NLRC4: variants seen among roughly 807,000 people sequenced by gnomAD.
The protein encoded by NLRC4 is NLR family CARD domain-containing protein 4.
NLRC4 carries 63 observed loss-of-function variants against 79.9 expected under a neutral mutation model. That is an observed-to-expected ratio of 0.79 (90% CI 0.64 to 0.97). The LOEUF (loss-of-function observed/expected upper bound fraction) is 0.97, where lower values mean the gene tolerates loss of function less well. Among genes scored for constraint, NLRC4 ranks in the 50% least tolerant of loss-of-function variants. The probability of loss-of-function intolerance (pLI) is 0.00; values close to 1 mark genes in which losing one functional copy is unlikely to be tolerated. For synonymous variants in NLRC4, 461 were observed against 456.5 expected, an observed-to-expected ratio of 1.01 and a Z score of -0.12; for missense variants, 1,074 against 1,215.2, an observed-to-expected ratio of 0.88 and a Z score of 1.73.
chr2:32,232,906 C>T (rs1185020604), intron 8 of NLRC4, among the ~76,000 whole-genome samples: 1 of 151,916 alleles, frequency 6.6e-6, no homozygotes, highest in Admixed American at 6.6e-5. Context: ...CTAGTCATTG[C>T]ATGCTCATAG....
At chr2:32,234,697 C>T (rs541633446) in intron 8 of NLRC4, among the ~76,000 whole-genome samples, 3 of 152,218 alleles carry the variant, frequency 2.0e-5, no homozygotes, top group Admixed American at 6.5e-5. Context: ...GTGAGGCCTC[C>T]AGCCAACAGC....
chr2:32,240,342 A>G (rs1310271351), intron 5 of NLRC4, among the ~76,000 whole-genome samples: 1 of 151,788 alleles, frequency 6.6e-6, no homozygotes, highest in Non-Finnish European at 1.5e-5. Context: ...ATAAGAAAGA[A>G]CAAGATGAAG....
At position 32,249,633 on chromosome 2, in the gene NLRC4, T is replaced by C; in HGVS notation, c.2231A>G (p.His744Arg). 1 of 1,607,164 alleles carries C rather than the reference T, an allele frequency of 6.2e-7. No homozygotes were observed. The highest frequency in any genetic ancestry group is 8.5e-7 in the Non-Finnish European group (1 of 1,176,994). The change falls in exon 4 of 9, where the codon CAT becomes CGT. Residue 744 changes from histidine to arginine, a missense_variant. By Grantham distance (29) the His-to-Arg change is conservative (BLOSUM62 0). Coordinates refer to ENST00000402280, the MANE Select transcript of NLRC4 (RefSeq NM_001199138.2). ...SVTNLKTLSI[H>R]DLQNQRLPGG... ...CGGCAGCCGTTGATTCTGTAGGTCATGAATACTCAAGGTTTTCAGGTTTGT... is the reference window on the plus strand; with the variant it reads ...CGGCAGCCGTTGATTCTGTAGGTCACGAATACTCAAGGTTTTCAGGTTTGT...
At chr2:32,234,976 T>C (rs1686637635) in intron 8 of NLRC4, among the ~76,000 whole-genome samples, 1 of 152,238 alleles carries the variant, frequency 6.6e-6, no homozygotes, top group African/African-American at 2.4e-5. Flanking sequence ...TATAGATCTA[T>C]TTGTTTCTGG....
intron 8 of NLRC4, among the ~76,000 whole-genome samples, chr2:32,233,335 ATATATATATATATAT>A (rs1686592943): frequency 9.6e-5 from 4 of 41,632 alleles, no homozygotes; most frequent in South Asian, 5.8e-4. Context: ...ATATATATAT[ATATATATATATATAT>A]TTTTTTTTTT....
At position 32,237,358 on chromosome 2, in the gene NLRC4, C is replaced by T. The variant is rs114982866; in HGVS notation, c.2521+774G>A. On this transcript the variant is annotated intron_variant, in intron 6 of 8. Coordinates refer to ENST00000402280, the MANE Select transcript of NLRC4 (RefSeq NM_001199138.2). The stretch of plus-strand genomic sequence containing the variant: ...TGCTGAACTTCTCTTTAAAAGAGTA[C>T]GTTTGCTATTTGCAGTTCTAAGCCT... 6.6e-3 allele frequency among the ~76,000 whole-genome samples: 999 copies of T among 152,240 alleles called. 14 individuals carry two copies. Among genetic ancestry groups the T allele is most frequent in the African/African-American group, 0.023 (964 of 41,546 alleles).
In NLRC4 at chr2:32,250,830, CAA is replaced by C; in HGVS notation, c.1032_1033del (p.Ala346AsnfsTer5). On this transcript the variant is annotated frameshift_variant, in exon 4 of 9. Transcript: ENST00000402280. LOFTEE classifies it high-confidence loss of function. The surrounding 1 kb of genome is among the most constrained non-coding windows in gnomAD (Gnocchi z 4.9). ...CTCACTTTCACCCATCTGGATTGCA[CAA>C]GTGATGACCACAAAGAGAGGGGTCT... 6.2e-7 allele frequency: 1 copy of C among 1,614,176 alleles called. No individual in the cohort carries two copies. The highest frequency in any genetic ancestry group is 1.1e-5 in the South Asian group (1 of 91,080).
rs1686318189 is a variant in NLRC4 at position 32,224,539 on chromosome 2, A to C, written c.3009T>G (p.Val1003=). ...GATCATCATCATCAAATTGCCACCC[A>C]ACAAGCCTAGCTTCTTGCAGAAAAG... ...KLTFLQEARL[V]GWQFDDDDLS... The change falls in exon 9 of 9, where the codon GTT becomes GTG. Residue 1003 remains valine, a synonymous_variant. Transcript: ENST00000402280. 6.2e-7 allele frequency: 1 copy of C among 1,613,834 alleles called. No homozygotes were observed. Among genetic ancestry groups the C allele is most frequent in the African/African-American group, 1.3e-5 (1 of 75,020 alleles).
At chr2:32,242,455 A>G (rs1174109875) in intron 4 of NLRC4, among the ~76,000 whole-genome samples, 1 of 152,198 alleles carries the variant, frequency 6.6e-6, no homozygotes, top group East Asian at 1.9e-4. Context: ...ACCAACACTC[A>G]TGTGATACGG....
intron 1 of NLRC4, among the ~76,000 whole-genome samples, chr2:32,259,398 G>A (rs2566483): frequency 0.58 from 86,325 of 149,828 alleles, 25,102 homozygotes; most frequent in Non-Finnish European, 0.6. Context: ...ATGAGCCACC[G>A]CGTCTGGCCA....
chr2:32,260,315 A>G (rs1687315192), intron 1 of NLRC4, among the ~76,000 whole-genome samples: 1 of 151,994 alleles, frequency 6.6e-6, no homozygotes, highest in Non-Finnish European at 1.5e-5. Context: ...GGCTATCATA[A>G]ATACAGAACA....
chr2:32,237,597 A>G (rs892764643), intron 6 of NLRC4, among the ~76,000 whole-genome samples: 10 of 152,372 alleles, frequency 6.6e-5, no homozygotes, highest in African/African-American at 2.4e-4. Context: ...TCTAAATTTT[A>G]AAATATGTCT....
At chr2:32,260,816 G>C (rs559477138) in intron 1 of NLRC4, among the ~76,000 whole-genome samples, 1 of 152,146 alleles carries the variant, frequency 6.6e-6, no homozygotes, top group South Asian at 2.1e-4. Context: ...TTCTTCGTGC[G>C]CTATGCAAAC....
At chr2:32,259,103 ACT>A (rs1338023548) in intron 1 of NLRC4, among the ~76,000 whole-genome samples, 2 of 149,196 alleles carry the variant, frequency 1.3e-5, no homozygotes, top group Non-Finnish European at 3.0e-5. Context: ...TAACATTAAA[ACT>A]CTTTTTTTGA....
intron 1 of NLRC4, among the ~76,000 whole-genome samples, chr2:32,257,096 C>T (rs980844337): frequency 6.6e-6 from 1 of 152,244 alleles, no homozygotes; most frequent in Non-Finnish European, 1.5e-5. Context: ...AAACTATGTT[C>T]AGCTGGAACT....
At chr2:32,229,489 A>G (rs1006914956) in intron 8 of NLRC4, among the ~76,000 whole-genome samples, 9 of 152,160 alleles carry the variant, frequency 5.9e-5, no homozygotes, top group African/African-American at 2.2e-4. Context: ...AAACAAAAAA[A>G]CAGGTGAAAT....
chr2:32,261,316 C>CTTTTTTTT lies in NLRC4; in HGVS notation c.-119+3421_-119+3422insAAAAAAAA, dbSNP rs751434892. 1.5e-3 allele frequency among the ~76,000 whole-genome samples: 142 copies of CTTTTTTTT among 96,806 alleles called. 22 individuals are homozygous for CTTTTTTTT. The highest frequency in any genetic ancestry group is 5.7e-3 in the Middle Eastern group (1 of 174). The allele number at this position is 96,806 out of a possible 152,430, so 63.5% of individuals were successfully genotyped here. The stretch of plus-strand genomic sequence containing the variant: ...TTCTTTCGCCTATTAAGCCTCCCCC[C>CTTTTTTTT]TTTTGTTTTTTTTTGAGATGGAGCC... On this transcript the variant is annotated intron_variant, in intron 1 of 8. Transcript: ENST00000402280.
chr2:32,225,507 T>G (rs557065409), intron 8 of NLRC4, among the ~76,000 whole-genome samples: 1 of 152,240 alleles, frequency 6.6e-6, no homozygotes, highest in South Asian at 2.1e-4. Context: ...TAGGTGGTAC[T>G]GGAACCCAAG....
At chr2:32,257,016 A>T in intron 1 of NLRC4, 123 bp from the exon 2 acceptor site, 1 of 482,160 alleles carries the variant, frequency 2.1e-6, no homozygotes, top group Non-Finnish European at 3.7e-6. Flanking sequence ...AAACTCGCTC[A>T]AAGCCCCTGG....
Sources: gnomAD v4.1 joint callset for allele counts (sites outside exome capture counted in the v4.1 genomes callset) on GRCh38, gnomAD v4.1.1 for gene constraint, Gnocchi (gnomAD v3.1) non-coding constraint, MANE v1.5 for transcripts, NCBI Gene and HGNC (gene_info 2026-07-23, HGNC 2026-07-21) for gene names.